DSCAM: variants seen among roughly 807,000 people sequenced by gnomAD.
The protein encoded by DSCAM is DS cell adhesion molecule, also known as cell adhesion molecule DSCAM.
DSCAM carries 47 observed loss-of-function variants against 217.7 expected under a neutral mutation model. The observed-to-expected ratio is 0.22, with a 90% CI of 0.17 to 0.28. The LOEUF (loss-of-function observed/expected upper bound fraction) is 0.28, where lower values mean the gene tolerates loss of function less well. Ranked by LOEUF, DSCAM falls within the 10% of genes least tolerant of loss-of-function variation. The probability of loss-of-function intolerance (pLI) is 1.00; values close to 1 mark genes in which losing one functional copy is unlikely to be tolerated. For synonymous variants in DSCAM, 1,056 were observed against 1,015.3 expected (o/e 1.04, Z -0.76); for missense variants, 2,080 against 2,618.3 (o/e 0.79, Z 4.49).
At chr21:40,801,053 G>A (rs1334413133) in intron 1 of DSCAM, among the ~76,000 whole-genome samples, 1 of 151,326 alleles carries the variant, frequency 6.6e-6, no homozygotes, top group Non-Finnish European at 1.5e-5. Flanking sequence ...CAGATTTCAA[G>A]TGATTCTCCT....
At chr21:40,051,878 T>C in intron 30 of DSCAM, 80 bp downstream of exon 30, 1 of 1,514,570 alleles carries the variant, frequency 6.6e-7, no homozygotes, top group Non-Finnish European at 8.9e-7. Flanking sequence ...GCCACACATT[T>C]TCATTTGAGA....
intron 3 of DSCAM, among the ~76,000 whole-genome samples, chr21:40,480,979 T>A (rs1187103679): frequency 6.6e-6 from 1 of 152,202 alleles, no homozygotes; most frequent in Non-Finnish European, 1.5e-5. Flanking sequence ...AGGCCATGCT[T>A]TTGCCCTCTG....
chr21:40,311,313 T>C (rs946543538), intron 9 of DSCAM, among the ~76,000 whole-genome samples: 2 of 152,220 alleles, frequency 1.3e-5, no homozygotes, highest in Non-Finnish European at 2.9e-5. Context: ...TGGAGAATCA[T>C]AAACATCACA....
chr21:40,637,909 C>G (rs1373614355), intron 3 of DSCAM, among the ~76,000 whole-genome samples: 2 of 151,674 alleles, frequency 1.3e-5, no homozygotes, highest in Non-Finnish European at 2.9e-5. Context: ...GTCTTGAACT[C>G]CTGACCTCAG....
chr21:40,561,927 C>T (rs562537433), intron 3 of DSCAM, among the ~76,000 whole-genome samples: 1 of 152,206 alleles, frequency 6.6e-6, no homozygotes, highest in Non-Finnish European at 1.5e-5. Flanking sequence ...CTCTTTTAAA[C>T]TCTTCAATCC....
At chr21:40,454,214 A>T (rs1158742278) in intron 3 of DSCAM, among the ~76,000 whole-genome samples, 3 of 152,216 alleles carry the variant, frequency 2.0e-5, no homozygotes, top group Non-Finnish European at 4.4e-5. Flanking sequence ...TTCAGGTTTC[A>T]TTCCCAGTTA....
chr21:40,730,563 G>T (rs1176590153), intron 1 of DSCAM, among the ~76,000 whole-genome samples: 1 of 152,202 alleles, frequency 6.6e-6, no homozygotes, highest in Admixed American at 6.5e-5. Context: ...GATTTTATAA[G>T]CAGAAAATAA....
At chr21:40,283,846 C>G (rs1381747389) in intron 10 of DSCAM, among the ~76,000 whole-genome samples, 1 of 152,138 alleles carries the variant, frequency 6.6e-6, no homozygotes, top group African/African-American at 2.4e-5. Context: ...GGTCAATGAG[C>G]TCATCCAGAG....
chr21:40,142,798 C>A, intron 17 of DSCAM, 94 bp from the exon 18 acceptor site: 3 of 1,437,162 alleles, frequency 2.1e-6, no homozygotes, highest in African/African-American at 1.4e-5. Context: ...TTTCAATATG[C>A]AAGCAAAAAA....
intron 3 of DSCAM, among the ~76,000 whole-genome samples, chr21:40,522,286 C>T (rs1367375007): frequency 6.6e-6 from 1 of 152,142 alleles, no homozygotes; most frequent in Non-Finnish European, 1.5e-5. Flanking sequence ...AAACAAAGCC[C>T]ATTTCAGCTC....
intron 3 of DSCAM, among the ~76,000 whole-genome samples, chr21:40,552,218 G>C (rs1317239546): frequency 2.6e-5 from 4 of 152,068 alleles, no homozygotes; most frequent in Non-Finnish European, 5.9e-5. Context: ...GGAGGCTGAG[G>C]CAGAAGAATT....
At chr21:40,101,776 TG>T in intron 20 of DSCAM, among the ~76,000 whole-genome samples, 1 of 148,998 alleles carries the variant, frequency 6.7e-6, no homozygotes, top group Non-Finnish European at 1.5e-5. Context: ...GTTTTTACTG[TG>T]GGAGGTGGTG....
In DSCAM at chr21:40,013,204, TGGAGGAGGC is replaced by T. The variant is rs763074423; in HGVS notation, c.5860_5868del (p.Ala1954_Ser1956del). ...GGCTGCCACGACTGTCCTTCTCTCG[TGGAGGAGGC>T]GGAGGAGGCGGCTTCCATCGGGATG... On this transcript the variant is annotated inframe_deletion, in exon 33 of 33. Transcript: ENST00000400454. 47 of 1,613,554 alleles carry T rather than the reference TGGAGGAGGC, an allele frequency of 2.9e-5. No individual in the cohort carries two copies. Among genetic ancestry groups the T allele is most frequent in the African/African-American group, 5.3e-5 (4 of 74,908 alleles).
chr21:40,361,236 A>C (rs553625957), intron 4 of DSCAM, among the ~76,000 whole-genome samples: 56 of 152,286 alleles, frequency 3.7e-4, no homozygotes, highest in African/African-American at 1.2e-3. Context: ...CATCATATTA[A>C]TGGCTCTGGC....
rs1412394609 is a variant in DSCAM, at chr21:40,330,484, T to A, written c.1783+7617A>T. Among the ~76,000 whole-genome samples, 2 of 150,772 alleles carry A rather than the reference T, an allele frequency of 1.3e-5. 1 individual carries two copies. The highest frequency in any genetic ancestry group is 4.2e-4 in the South Asian group (2 of 4,786). ...TTTTTTCCCTCCAATTAGGGTAAAGTAATTTGAGATATCGCTTATAAAACA... is the reference window on the plus strand; with the variant it reads ...TTTTTTCCCTCCAATTAGGGTAAAGAAATTTGAGATATCGCTTATAAAACA... On this transcript the variant is annotated intron_variant, in intron 8 of 32. Transcript: ENST00000400454.
chr21:40,635,903 T>G (rs745347671), intron 3 of DSCAM, among the ~76,000 whole-genome samples: 2 of 152,124 alleles, frequency 1.3e-5, no homozygotes, highest in African/African-American at 4.8e-5. Flanking sequence ...AGGAACAAAG[T>G]AAACTCCTAA....
intron 3 of DSCAM, among the ~76,000 whole-genome samples, chr21:40,638,855 A>G (rs892748402): frequency 1.3e-5 from 2 of 152,094 alleles, no homozygotes; most frequent in African/African-American, 2.4e-5. Flanking sequence ...ATTATAGGCT[A>G]GGAAAATATG....
chr21:40,774,661 G>A (rs1199320331), intron 1 of DSCAM, among the ~76,000 whole-genome samples: 1 of 151,894 alleles, frequency 6.6e-6, no homozygotes, highest in East Asian at 1.9e-4. Flanking sequence ...CTAAAGTTCT[G>A]TACAAATGGA....
intron 1 of DSCAM, among the ~76,000 whole-genome samples, chr21:40,817,958 C>G (rs987150991): frequency 6.7e-6 from 1 of 150,362 alleles, no homozygotes; most frequent in Admixed American, 6.6e-5. Flanking sequence ...TAGCCGGGCG[C>G]GGTGGCGGGC....
Sources: gnomAD v4.1 joint callset for allele counts (sites outside exome capture counted in the v4.1 genomes callset) on GRCh38, gnomAD v4.1.1 for gene constraint, MANE v1.5 for transcripts, NCBI Gene and HGNC (gene_info 2026-07-23, HGNC 2026-07-21) for gene names.